The following MLYCD variants were observed in gnomAD, a reference collection of about 807,000 sequenced individuals.
MLYCD encodes the protein malonyl-CoA decarboxylase.
In MLYCD, 27 loss-of-function variants were observed where a neutral mutation model predicts 35.8. The observed-to-expected ratio is 0.75, with a 90% CI of 0.56 to 1.04. The LOEUF is 1.04. Ranked by LOEUF, MLYCD falls within the 50% of genes least tolerant of loss-of-function variation. MLYCD has a pLI of 0.00. For missense variants in MLYCD, 917 were observed against 665.1 expected (o/e 1.38, Z -4.17); for synonymous variants, 403 against 302.4 (o/e 1.33, Z -3.45).
intron 4 of MLYCD, chr16:83,912,628 C>T: frequency 2.0e-6 from 1 of 507,746 alleles, no homozygotes; most frequent in Non-Finnish European, 3.6e-6. Flanking sequence ...CTGAGGTCAT[C>T]AACTCTCTCT....
At chr16:83,913,129 T>G (rs919481824) in intron 4 of MLYCD, 6 of 152,972 alleles carry the variant, frequency 3.9e-5, no homozygotes, top group African/African-American at 1.2e-4. Flanking sequence ...GCAGAGGCCT[T>G]CCTTTGAGGA....
In MLYCD at chr16:83,917,824, C is replaced by T. The variant is rs1567638681; in HGVS notation, c.*2335C>T. ...CTCCAGAGTGCCATGGACAGATCAC[C>T]CATTCTCGATCACTCCGGCAGCCTT... On this transcript the variant is annotated 3_prime_UTR_variant, in exon 5 of 5. Transcript: ENST00000262430. The T allele has an allele frequency of 6.6e-6, 1 of 152,254 alleles. No individual in the cohort carries two copies. Among genetic ancestry groups the T allele is most frequent in the African/African-American group, 2.4e-5 (1 of 41,438 alleles). 9.4% of individuals were successfully genotyped at this position (152,254 alleles called of 1,614,324 possible). A position where few individuals can be genotyped will look rare whatever the true frequency, so the allele number is the denominator to read the frequency against.
chr16:83,907,134 C>A, intron 2 of MLYCD, 35 bp downstream of exon 2: 1 of 1,503,592 alleles, frequency 6.7e-7, no homozygotes, highest in Non-Finnish European at 9.3e-7. Flanking sequence ...TTTGTACATA[C>A]ATTTTTCATA....
At position 83,912,552 on chromosome 16, in the gene MLYCD, A is replaced by G. The variant is rs949952469; in HGVS notation, c.948+185A>G. Reference sequence around the variant, plus strand: ...TAGGAGCCATGAGTCTCCCAGAGAGATGAGAATGATGCTGAGAGAGGCCTC... The same window carrying G: ...TAGGAGCCATGAGTCTCCCAGAGAGGTGAGAATGATGCTGAGAGAGGCCTC... On this transcript the variant is annotated intron_variant, in intron 4 of 4. Coordinates refer to ENST00000262430, the MANE Select transcript of MLYCD (RefSeq NM_012213.3). 5.4e-6 allele frequency: 4 copies of G among 735,654 alleles called. No individual in the cohort carries two copies. The East Asian group carries it at 8.4e-5, about 15-fold the overall frequency. The allele number at this position is 735,654 out of a possible 1,614,324, so 45.6% of individuals were successfully genotyped here. A position where few individuals can be genotyped will look rare whatever the true frequency, so the allele number is the denominator to read the frequency against.
At position 83,919,795 on chromosome 16, in the gene MLYCD, T is replaced by TACAGAACACACGGTGC. The variant is rs1285501263; in HGVS notation, c.*4311_*4326dup. The TACAGAACACACGGTGC allele has an allele frequency of 7.5e-6, 1 of 132,892 alleles. No individual in the cohort carries two copies. The highest frequency in any genetic ancestry group is 1.6e-5 in the Non-Finnish European group (1 of 62,496). 8.2% of individuals were successfully genotyped at this position (132,892 alleles called of 1,614,324 possible). ...ATGGTGCACAGGAGAACACACGGTG[T>TACAGAACACACGGTGC]ACAGAACACACGGTGCACAGGAGAA... On this transcript the variant is annotated 3_prime_UTR_variant, in exon 5 of 5. Coordinates refer to ENST00000262430, the MANE Select transcript of MLYCD (RefSeq NM_012213.3).
At chr16:83,911,472 C>T (rs575768047) in intron 3 of MLYCD, among the ~76,000 whole-genome samples, 4 of 152,312 alleles carry the variant, frequency 2.6e-5, no homozygotes, top group African/African-American at 9.6e-5. Flanking sequence ...CCTGCTGTTC[C>T]ACTGTTATCC....
Position 83,908,181 on chromosome 16 carries a change from C to A in MLYCD, c.697C>A (p.Pro233Thr). 6.2e-7 allele frequency: 1 copy of A among 1,614,172 alleles called. No homozygotes were observed. The highest frequency in any genetic ancestry group is 8.5e-7 in the Non-Finnish European group (1 of 1,180,040). ...NWMDMKRRVG[P>T]YRRCYFFSHC... The stretch of plus-strand genomic sequence containing the variant: ...GATGGACATGAAGCGCCGCGTTGGG[C>A]CCTACAGAAGGTGTTACTTCTTTTC... Residue 233 changes from proline (P) to threonine (T), a missense_variant, in exon 3 of 5, where the codon CCC (proline) becomes ACC (threonine). Transcript: ENST00000262430.
chr16:83,907,269 A>T (rs922925316), intron 2 of MLYCD, among the ~76,000 whole-genome samples, 170 bp downstream of exon 2: 48 of 152,186 alleles, frequency 3.2e-4, no homozygotes, highest in African/African-American at 1.1e-3. Flanking sequence ...ACCACACATG[A>T]TACTAAGATT....
chr16:83,904,972 A>G (rs1051289782), intron 1 of MLYCD, among the ~76,000 whole-genome samples: 1 of 152,238 alleles, frequency 6.6e-6, no homozygotes, highest in Non-Finnish European at 1.5e-5. Context: ...CCTAGTGCTT[A>G]AACATGTAAA....
rs182302640 is a variant in MLYCD at position 83,912,715 on chromosome 16, G to A, written c.948+348G>A. The stretch of plus-strand genomic sequence containing the variant: ...CCTGGTGTAAGTGTCACTCTGAAAT[G>A]TCCCAGCCAGATGGCACAGCTGGTA... On this transcript the variant is annotated intron_variant, in intron 4 of 4. Coordinates refer to ENST00000262430, the MANE Select transcript of MLYCD (RefSeq NM_012213.3). 170 of 358,186 alleles carry A rather than the reference G, an allele frequency of 4.7e-4. 1 individual carries two copies. In the Middle Eastern group the frequency reaches 4.8e-3, roughly 10 times the overall value. 22.2% of individuals were successfully genotyped at this position (358,186 alleles called of 1,614,324 possible). A position where few individuals can be genotyped will look rare whatever the true frequency, so the allele number is the denominator to read the frequency against.
rs762261648 is a variant in MLYCD, at chr16:83,915,529, A to G, written c.*40A>G. ...TAAAGCACAGGGCCCCGGCTAAGAA[A>G]ACGATCATTTTCAGGAGGGGCCGGG... On this transcript the variant is annotated 3_prime_UTR_variant, in exon 5 of 5. Transcript: ENST00000262430. 12 of 1,601,042 alleles carry G rather than the reference A, an allele frequency of 7.5e-6. No individual in the cohort carries two copies. Among genetic ancestry groups the G allele is most frequent in the Non-Finnish European group, 8.5e-6 (10 of 1,179,194 alleles).
rs866955308 is a variant in MLYCD, at chr16:83,918,059, C to T, written c.*2570C>T. ...AGGAACTAGCACGCCTGAGGTAGGT[C>T]TCGGAATAGTGTTCAAATCCATTTT... On this transcript the variant is annotated 3_prime_UTR_variant, in exon 5 of 5. Transcript: ENST00000262430. 1 of 152,232 alleles carries T rather than the reference C, an allele frequency of 6.6e-6. No individual in the cohort carries two copies. Among genetic ancestry groups the T allele is most frequent in the African/African-American group, 2.4e-5 (1 of 41,456 alleles). The allele number at this position is 152,232 out of a possible 1,614,324, so 9.4% of individuals were successfully genotyped here.
rs369708416 is a variant in MLYCD, at chr16:83,912,277, G to T, written c.858G>T (p.Ala286=). The change falls in exon 4 of 5, where the codon GCG becomes GCT. Residue 286 remains alanine, a synonymous_variant. Coordinates refer to ENST00000262430, the MANE Select transcript of MLYCD (RefSeq NM_012213.3). ...ETEEKNKITA[A]IFYSISLTQQ... is the part of the protein sequence containing the mutation. ...AAGAGAAGAACAAAATCACTGCTGC[G>T]ATCTTTTATTCCATCAGCTTGACCC... 3 of 1,614,082 alleles carry T rather than the reference G, an allele frequency of 1.9e-6. No homozygotes were observed. Among genetic ancestry groups the T allele is most frequent in the Non-Finnish European group, 2.5e-6 (3 of 1,180,044 alleles).
chr16:83,915,362 C>T lies in MLYCD; in HGVS notation c.1355C>T (p.Ala452Val), dbSNP rs1907342426. 1 of 1,613,780 alleles carries T rather than the reference C, an allele frequency of 6.2e-7. No homozygotes were observed. The change falls in exon 5 of 5, where the codon GCC becomes GTC. Residue 452 changes from alanine to valine, a missense_variant. Ala to Val is a moderately conservative substitution (Grantham distance 64, BLOSUM62 0). Coordinates refer to ENST00000262430, the MANE Select transcript of MLYCD (RefSeq NM_012213.3). ...ATCACCGGCTCCTGCGGCCTGATGG[C>T]CAACTACCGCTACTTCCTGGAGGAG... The part of the protein sequence containing the change: ...RGITGSCGLM[A>V]NYRYFLEETG...
chr16:83,914,940 C>A lies in MLYCD; in HGVS notation c.949-16C>A. 6.2e-7 allele frequency: 1 copy of A among 1,614,200 alleles called. No individual in the cohort carries two copies. Among genetic ancestry groups the A allele is most frequent in the Non-Finnish European group, 8.5e-7 (1 of 1,180,048 alleles). Reference sequence around the variant, plus strand: ...GTTTTCTCCGCCTTCCTTTCCACCCCAACCATGCTTTACAGAGAGAGTTTC... The same window carrying A: ...GTTTTCTCCGCCTTCCTTTCCACCCAAACCATGCTTTACAGAGAGAGTTTC... On this transcript the variant is annotated splice_polypyrimidine_tract_variant and intron_variant, in intron 4 of 4. Transcript: ENST00000262430.
chr16:83,912,121 G>A (rs902682280), intron 3 of MLYCD, 97 bp from the exon 4 acceptor site: 36 of 1,553,238 alleles, frequency 2.3e-5, no homozygotes, highest in Non-Finnish European at 3.1e-5. Flanking sequence ...AGCTCCTTCA[G>A]TGCTCTGAGA....
intron 1 of MLYCD, 151 bp from the exon 2 acceptor site, chr16:83,906,836 G>T: frequency 1.3e-6 from 1 of 756,894 alleles, no homozygotes; most frequent in Non-Finnish European, 2.4e-6. Context: ...TCTGACAGAG[G>T]AATCTTGGGA....
intron 1 of MLYCD, 101 bp downstream of exon 1, chr16:83,899,773 C>A: frequency 1.5e-6 from 2 of 1,327,864 alleles, no homozygotes; most frequent in Non-Finnish European, 2.0e-6. Context: ...GCCTTCCCTG[C>A]CCGATAGCAC....
In MLYCD at chr16:83,899,307, G is replaced by A. The variant is rs1469577193; in HGVS notation, c.163G>A (p.Glu55Lys). The part of the protein sequence containing the change: ...RRAVPPTPAY[E>K]LREKTPAPAE... ...CGCGGTGCCGCCGACGCCGGCCTACGAGCTGCGCGAGAAGACACCGGCGCC... is the reference window on the plus strand; with the variant it reads ...CGCGGTGCCGCCGACGCCGGCCTACAAGCTGCGCGAGAAGACACCGGCGCC... The change falls in exon 1 of 5, where the codon GAG becomes AAG. Residue 55 changes from glutamate (E) to lysine (K), a missense_variant. By Grantham distance (56) the Glu-to-Lys change is moderately conservative. Coordinates refer to ENST00000262430, the MANE Select transcript of MLYCD (RefSeq NM_012213.3). 2.0e-6 allele frequency: 3 copies of A among 1,490,122 alleles called. No homozygotes were observed. The highest frequency in any genetic ancestry group is 2.9e-5 in the African/African-American group (2 of 68,444). 92.3% of individuals were successfully genotyped at this position (1,490,122 alleles called of 1,614,324 possible).
Sources: gnomAD v4.1 joint callset for allele counts (sites outside exome capture counted in the v4.1 genomes callset) on GRCh38, gnomAD v4.1.1 for gene constraint, MANE v1.5 for transcripts, NCBI Gene and HGNC (gene_info 2026-07-23, HGNC 2026-07-21) for gene names.